RUNX2: variants seen among roughly 807,000 people sequenced by gnomAD.
The protein encoded by RUNX2 is RUNX family transcription factor 2.
In RUNX2, 10 loss-of-function variants were observed where a neutral mutation model predicts 51.7. That is an observed-to-expected ratio of 0.19 (90% CI 0.12 to 0.33). The LOEUF (loss-of-function observed/expected upper bound fraction) is 0.33, where lower values mean the gene tolerates loss of function less well. Ranked by LOEUF, RUNX2 falls within the 10% of genes least tolerant of loss-of-function variation. The pLI is 1.00. For missense variants in RUNX2, 562 were observed against 691.3 expected (o/e 0.81, Z 2.10); for synonymous variants, 276 against 273.6 (o/e 1.01, Z -0.09).
At chr6:45,359,145 T>C (rs560607671) in intron 2 of RUNX2, among the ~76,000 whole-genome samples, 9 of 152,168 alleles carry the variant, frequency 5.9e-5, no homozygotes, top group Non-Finnish European at 1.0e-4. Flanking sequence ...AGAGAATTGA[T>C]AGTAATATTT....
intron 2 of RUNX2, among the ~76,000 whole-genome samples, chr6:45,379,388 T>C (rs1582050614): frequency 6.6e-6 from 1 of 152,118 alleles, no homozygotes; most frequent in South Asian, 2.1e-4. Context: ...AAGAGAAAAA[T>C]TAATGTTCAC....
intron 2 of RUNX2, chr6:45,361,590 A>G (rs1794273948): frequency 6.6e-6 from 1 of 152,190 alleles, no homozygotes. Context: ...TGAGTTCAAT[A>G]ACCTAAAAAT....
intron 2 of RUNX2, among the ~76,000 whole-genome samples, chr6:45,339,342 G>C (rs1306944009): frequency 6.6e-6 from 1 of 152,100 alleles, no homozygotes; most frequent in Non-Finnish European, 1.5e-5. Flanking sequence ...AAACTCCCTA[G>C]ATAAATTAGC....
At chr6:45,533,235 GT>G (rs2150440768) in intron 7 of RUNX2, among the ~76,000 whole-genome samples, 1 of 152,184 alleles carries the variant, frequency 6.6e-6, no homozygotes, top group South Asian at 2.1e-4. Context: ...TCTAGTATTT[GT>G]TTATCTCCTG....
chr6:45,465,522 C>G lies in RUNX2; in HGVS notation c.686-26419C>G, dbSNP rs184166994. 3.1e-3 allele frequency among the ~76,000 whole-genome samples: 471 copies of G among 151,932 alleles called. 2 individuals carry two copies. The highest frequency in any genetic ancestry group is 5.3e-3 in the Non-Finnish European group (363 of 67,972). On this transcript the variant is annotated intron_variant, in intron 5 of 8. Coordinates refer to ENST00000647337, the MANE Select transcript of RUNX2 (RefSeq NM_001024630.4). Reference sequence around the variant, plus strand: ...ACTTTTCAGTTAATTAAAAAGTGGCCTTGTCTAGTTGATATGGTCATATGG... The same window carrying G: ...ACTTTTCAGTTAATTAAAAAGTGGCGTTGTCTAGTTGATATGGTCATATGG...
intron 5 of RUNX2, among the ~76,000 whole-genome samples, chr6:45,439,547 A>G (rs1055654980): frequency 6.6e-6 from 1 of 152,228 alleles, no homozygotes; most frequent in Non-Finnish European, 1.5e-5. Context: ...AGTAATGCAC[A>G]TAGCAGGATA....
At chr6:45,431,204 G>A (rs1798532835) in intron 3 of RUNX2, among the ~76,000 whole-genome samples, 1 of 152,052 alleles carries the variant, frequency 6.6e-6, no homozygotes, top group South Asian at 2.1e-4. Flanking sequence ...GGTATATATT[G>A]TTTTTTTCTT....
chr6:45,405,782 C>T (rs1049532666), intron 2 of RUNX2, among the ~76,000 whole-genome samples: 2 of 149,996 alleles, frequency 1.3e-5, no homozygotes, highest in Non-Finnish European at 3.0e-5. Context: ...AGTGAAAATC[C>T]GTCTCAAAAA....
chr6:45,372,995 C>T (rs1796300615), intron 2 of RUNX2, among the ~76,000 whole-genome samples: 1 of 152,114 alleles, frequency 6.6e-6, no homozygotes, highest in Non-Finnish European at 1.5e-5. Context: ...TTTTAGTAGA[C>T]AGAGTTTCAC....
chr6:45,428,004 C>A (rs1444304195), intron 3 of RUNX2, among the ~76,000 whole-genome samples: 1 of 152,136 alleles, frequency 6.6e-6, no homozygotes, highest in East Asian at 1.9e-4. Flanking sequence ...AATTACTTCT[C>A]CTTTTCTCAT....
intron 5 of RUNX2, among the ~76,000 whole-genome samples, chr6:45,459,654 C>T (rs1339797069): frequency 2.0e-5 from 3 of 152,174 alleles, no homozygotes; most frequent in African/African-American, 7.2e-5. Context: ...ACAAAATGTA[C>T]AAAATTGTTT....
intron 3 of RUNX2, 56 bp downstream of exon 3, chr6:45,423,013 G>A: frequency 1.3e-6 from 2 of 1,587,006 alleles, no homozygotes; most frequent in South Asian, 1.1e-5. Flanking sequence ...CCTGCCCGCC[G>A]GTGTCTTCCT....
At chr6:45,454,755 A>T (rs993252009) in intron 5 of RUNX2, among the ~76,000 whole-genome samples, 3 of 152,108 alleles carry the variant, frequency 2.0e-5, no homozygotes, top group Non-Finnish European at 2.9e-5. Flanking sequence ...TTCTATTCCT[A>T]CTTCTATTCC....
rs551072035 is a variant in RUNX2 at position 45,360,403 on chromosome 6, G to A, written c.58+31619G>A. Among the ~76,000 whole-genome samples the A allele has an allele frequency of 4.6e-5, 7 of 152,172 alleles. No individual in the cohort carries two copies. In the South Asian group the frequency reaches 8.3e-4, roughly 18 times the overall value. ...GCACCCTTGGAATTACAGTATGTTC[G>A]TACTTTTTACCTTCAGGGTTTTTCT... is the stretch of plus-strand genomic sequence containing the variant. On this transcript the variant is annotated intron_variant, in intron 2 of 8. Coordinates refer to ENST00000647337, the MANE Select transcript of RUNX2 (RefSeq NM_001024630.4).
chr6:45,471,475 C>T (rs531784726), intron 5 of RUNX2, among the ~76,000 whole-genome samples: 5 of 148,400 alleles, frequency 3.4e-5, no homozygotes, highest in East Asian at 2.0e-4. Flanking sequence ...GATGGAGTCT[C>T]GCTGTGTCGC....
chr6:45,517,191 T>A (rs933203743), intron 7 of RUNX2, among the ~76,000 whole-genome samples: 11 of 152,202 alleles, frequency 7.2e-5, no homozygotes, highest in African/African-American at 2.2e-4. Context: ...TATAGATTTT[T>A]TTTTTTAAGA....
intron 2 of RUNX2, among the ~76,000 whole-genome samples, chr6:45,414,145 A>G (rs1798011936): frequency 6.6e-6 from 1 of 152,188 alleles, no homozygotes; most frequent in African/African-American, 2.4e-5. Flanking sequence ...ACTTTCATTC[A>G]ACTCTCCTTT....
chr6:45,486,666 T>A (rs1323835076), intron 5 of RUNX2, among the ~76,000 whole-genome samples: 1 of 152,160 alleles, frequency 6.6e-6, no homozygotes, highest in Admixed American at 6.5e-5. Flanking sequence ...AGTGCCTTGT[T>A]TTTTGTAAGT....
intron 2 of RUNX2, among the ~76,000 whole-genome samples, chr6:45,333,573 A>C (rs1787947683): frequency 6.6e-6 from 1 of 151,504 alleles, no homozygotes; most frequent in South Asian, 2.1e-4. Flanking sequence ...AATAGAAAGA[A>C]GCCTAACTAA....
Sources: gnomAD v4.1 joint callset for allele counts (sites outside exome capture counted in the v4.1 genomes callset) on GRCh38, gnomAD v4.1.1 for gene constraint, MANE v1.5 for transcripts, NCBI Gene and HGNC (gene_info 2026-07-23, HGNC 2026-07-21) for gene names.